QRICH2: variants seen among roughly 807,000 people sequenced by gnomAD.
QRICH2 encodes the protein glutamine rich 2, also known as glutamine-rich protein 2.
Under a neutral mutation model 168.3 loss-of-function variants are expected in QRICH2, and 119 were observed. The ratio of observed to expected loss-of-function variants is 0.71; its 90% CI spans 0.61 to 0.82. The LOEUF (loss-of-function observed/expected upper bound fraction) is 0.82, where lower values mean the gene tolerates loss of function less well. Ranked by LOEUF, QRICH2 falls within the 40% of genes least tolerant of loss-of-function variation. The pLI is 0.00. For synonymous variants in QRICH2, 894 were observed against 951.2 expected (o/e 0.94, Z 1.11); for missense variants, 2,241 against 2,491.6 (o/e 0.90, Z 2.14).
At chr17:76,287,527 C>A (rs78568150) in intron 6 of QRICH2, among the ~76,000 whole-genome samples, 457 of 152,192 alleles carry the variant, frequency 3.0e-3, no homozygotes, top group Non-Finnish European at 4.9e-3. Context: ...TCAGAGGGGC[C>A]GTCAGAAGTT....
At chr17:76,287,426 C>G (rs74413918) in intron 6 of QRICH2, 120 bp from the exon 7 acceptor site, 13 of 731,562 alleles carry the variant, frequency 1.8e-5, no homozygotes, top group East Asian at 2.7e-5. Flanking sequence ...CCTCCACCCC[C>G]CTCCAATGGA....
At position 76,280,659 on chromosome 17, in the gene QRICH2, C is replaced by T. The variant is rs1199296643; in HGVS notation, c.4456G>A (p.Asp1486Asn). Residue 1486 changes from aspartate (D) to asparagine (N), a missense_variant, in exon 10 of 19, where the codon GAT becomes AAT. Asp to Asn is a conservative substitution (Grantham distance 23). Coordinates refer to ENST00000680821, the MANE Select transcript of QRICH2 (RefSeq NM_001388453.1). This position sits in a 1 kb window ranked among gnomAD's most constrained non-coding sequence, Gnocchi z 7.4. ...TCCTGGGGCCTGGCACCCACCACAT[C>T]GATCTCCATCTCCAGGTGCTCCCTG... ...ANREHLEMEI[D>N]VKADKSALAT... 6 of 1,614,180 alleles carry T rather than the reference C, an allele frequency of 3.7e-6. No individual in the cohort carries two copies. Among genetic ancestry groups the T allele is most frequent in the South Asian group, 1.1e-5 (1 of 91,084 alleles).
chr17:76,298,930 T>C (rs1038169350), intron 3 of QRICH2, among the ~76,000 whole-genome samples: 1 of 152,126 alleles, frequency 6.6e-6, no homozygotes, highest in African/African-American at 2.4e-5. Flanking sequence ...GTGTAGTTTT[T>C]ATTTGCTTTT....
At chr17:76,288,342 C>T (rs2070927304) in intron 5 of QRICH2, among the ~76,000 whole-genome samples, 1 of 135,686 alleles carries the variant, frequency 7.4e-6, no homozygotes, top group Non-Finnish European at 1.5e-5. Context: ...CGAGATTGTG[C>T]CACTGCACTC....
chr17:76,290,950 GA>G, intron 4 of QRICH2, 64 bp downstream of exon 4: 1 of 1,564,102 alleles, frequency 6.4e-7, no homozygotes, highest in Non-Finnish European at 8.7e-7. Flanking sequence ...GCCAGGGGAA[GA>G]AAAGGATGAA....
chr17:76,291,656 G>A lies in QRICH2; in HGVS notation c.3071C>T (p.Pro1024Leu). The change falls in exon 4 of 19, where the codon CCA becomes CTA. Residue 1024 changes from proline (P) to leucine (L), a missense_variant. Around this residue, in one of 3 missense-constraint regions of QRICH2, gnomAD observed 2,047 missense variants for 2,303.8 expected, o/e 0.89. Coordinates refer to ENST00000680821, the MANE Select transcript of QRICH2 (RefSeq NM_001388453.1). ...PGREQYGQVS[P>L]LLASQGLASP... The stretch of plus-strand genomic sequence containing the variant: ...TGCCAAACCTTGACTGGCTAGGAGT[G>A]GTGACACCTGGCCGTATTGTTCTCT... 1 of 1,614,076 alleles carries A rather than the reference G, an allele frequency of 6.2e-7. No homozygotes were observed. Among genetic ancestry groups the A allele is most frequent in the Non-Finnish European group, 8.5e-7 (1 of 1,179,940 alleles).
At chr17:76,290,110 G>C (rs745393905) in intron 4 of QRICH2, 33 bp from the exon 5 acceptor site, 2 of 1,527,436 alleles carry the variant, frequency 1.3e-6, no homozygotes, top group Non-Finnish European at 9.1e-7. Context: ...GATCAGAGGG[G>C]TTAGATCTCT....
At chr17:76,304,778 G>A in intron 2 of QRICH2, 104 bp downstream of exon 2, 2 of 875,772 alleles carry the variant, frequency 2.3e-6, no homozygotes, top group Admixed American at 1.7e-5. Context: ...GAGGCAGAGG[G>A]CACACACTGC....
At chr17:76,306,601 G>A (rs1031617505) in intron 1 of QRICH2, among the ~76,000 whole-genome samples, 6 of 152,178 alleles carry the variant, frequency 3.9e-5, no homozygotes, top group African/African-American at 1.4e-4. Flanking sequence ...AAGTCCAGTT[G>A]AAGGCAGGGC....
Position 76,278,179 on chromosome 17 carries a change from C to T in QRICH2, c.4927G>A (p.Gly1643Ser), listed in dbSNP as rs1408361938. ...AGGTCACCCCGAGGGAAGGCGCTGCCCAGCTTGAGGCTGCAGGGTGTGAGC... is the reference window on the plus strand; with the variant it reads ...AGGTCACCCCGAGGGAAGGCGCTGCTCAGCTTGAGGCTGCAGGGTGTGAGC... ...VRQHSRNLKL[G>S]SAFPRGDLAQ... is the part of the protein sequence containing the mutation. Residue 1643 changes from glycine (G) to serine (S), a missense_variant, in exon 15 of 19, where the codon GGC (glycine) becomes AGC (serine). Physicochemically the swap from Gly to Ser is moderately conservative, Grantham distance 56 (BLOSUM62 0). Around this residue, in one of 3 missense-constraint regions of QRICH2, gnomAD observed 2,047 missense variants for 2,303.8 expected, o/e 0.89. Transcript: ENST00000680821. 2 of 1,606,078 alleles carry T rather than the reference C, an allele frequency of 1.2e-6. No homozygotes were observed. Among genetic ancestry groups the T allele is most frequent in the East Asian group, 2.2e-5 (1 of 44,894 alleles).
At chr17:76,304,741 C>A in intron 2 of QRICH2, 141 bp downstream of exon 2, 1 of 775,822 alleles carries the variant, frequency 1.3e-6, no homozygotes, top group South Asian at 1.5e-5. Context: ...GGGCAGATTT[C>A]CCTCCAACCC....
Position 76,279,046 on chromosome 17 carries a change from G to C in QRICH2, c.4911C>G (p.Ser1637Arg). 1.2e-6 allele frequency: 2 copies of C among 1,613,228 alleles called. No individual in the cohort carries two copies. The highest frequency in any genetic ancestry group is 2.2e-5 in the South Asian group (2 of 90,988). The change falls in exon 14 of 19, where the codon AGC becomes AGG. Residue 1637 changes from serine to arginine, a missense_variant. Ser to Arg is a moderately radical substitution (Grantham distance 110). Transcript: ENST00000680821. ...TATGCTGTCCCATAGCATACTTGCG[G>C]CTATGCTGCCGGACCTGCTCCAGTT... is the stretch of plus-strand genomic sequence containing the variant. ...VFELEQVRQH[S>R]RNLKLGSAFP... is the part of the protein sequence containing the mutation.
Position 76,280,850 on chromosome 17 carries a change from TGCC to T in QRICH2, c.4364_4366del (p.Arg1455del). ...GCTCACAGCAATGTCCTTCTGTTTC[TGCC>T]GATGGTCCTCGATGAGGTTGCTGGT... On this transcript the variant is annotated inframe_deletion, in exon 9 of 19. Coordinates refer to ENST00000680821, the MANE Select transcript of QRICH2 (RefSeq NM_001388453.1). This position sits in a 1 kb window ranked among gnomAD's most constrained non-coding sequence, Gnocchi z 7.4. 2 of 1,613,978 alleles carry T rather than the reference TGCC, an allele frequency of 1.2e-6. No individual in the cohort carries two copies. The highest frequency in any genetic ancestry group is 1.7e-4 in the Middle Eastern group (1 of 6,060).
chr17:76,303,130 C>A (rs534282031), intron 3 of QRICH2, among the ~76,000 whole-genome samples: 1 of 152,070 alleles, frequency 6.6e-6, no homozygotes, highest in African/African-American at 2.4e-5. Context: ...GTGATCCGCC[C>A]CCCTCGACTT....
chr17:76,309,075 C>T (rs1208890362), upstream of QRICH2, among the ~76,000 whole-genome samples: 10 of 144,624 alleles, frequency 6.9e-5, no homozygotes, highest in East Asian at 2.1e-3. Context: ...CTCAAAAAAA[C>T]GGCCAGGCTT....
At chr17:76,301,566 CA>C (rs536017974) in intron 3 of QRICH2, 258 of 157,458 alleles carry the variant, frequency 1.6e-3, no homozygotes, top group Non-Finnish European at 2.7e-3. Flanking sequence ...GACTCTGTCT[CA>C]AAAAAAATGA....
In QRICH2 at chr17:76,274,134, G is replaced by A. The variant is rs2070626926; in HGVS notation, c.5609C>T (p.Pro1870Leu). ...CGTGGGCTCCTCGAGCCCCTCCCCA[G>A]GAGGCATGTCCACGTGCCTCTCCAG... ...RGLERHVDMPPGEGLEEPTRG... is the reference protein window; with the variant it reads ...RGLERHVDMPLGEGLEEPTRG... The change falls in exon 19 of 19, where the codon CCT (proline) becomes CTT (leucine). Residue 1870 changes from proline (P) to leucine (L), a missense_variant. Physicochemically the swap from Pro to Leu is moderately conservative, Grantham distance 98 (BLOSUM62 -3). Around this residue, in one of 3 missense-constraint regions of QRICH2, gnomAD observed 189 missense variants for 169.3 expected, o/e 1.12. Coordinates refer to ENST00000680821, the MANE Select transcript of QRICH2 (RefSeq NM_001388453.1). The A allele has an allele frequency of 6.3e-7, 1 of 1,592,190 alleles. No individual in the cohort carries two copies. Among genetic ancestry groups the A allele is most frequent in the Non-Finnish European group, 8.5e-7 (1 of 1,172,294 alleles).
At chr17:76,298,733 G>C (rs543067948) in intron 3 of QRICH2, among the ~76,000 whole-genome samples, 11 of 149,278 alleles carry the variant, frequency 7.4e-5, no homozygotes, top group Non-Finnish European at 1.5e-4. Flanking sequence ...CTCCTGCCTC[G>C]GCCTCCCGAG....
In QRICH2 at chr17:76,307,780, C is replaced by A. The variant is rs1300172336; in HGVS notation, c.219G>T (p.Leu73=). The change falls in exon 1 of 19, where the codon CTG becomes CTT. Residue 73 remains leucine, a synonymous_variant. Transcript: ENST00000680821. The surrounding 1 kb of genome is among the most constrained non-coding windows in gnomAD (Gnocchi z 5.3). ...CCTTGGGCACCTCCTTGGGCGCGGG[C>A]AGGTGCGGGATGCTGAACGAGCTCC... ...SVRSSFSIPH[L]PAPKEVPKGA... 2.2e-6 allele frequency: 3 copies of A among 1,383,652 alleles called. No homozygotes were observed. Among genetic ancestry groups the A allele is most frequent in the Non-Finnish European group, 2.8e-6 (3 of 1,073,156 alleles). The allele number at this position is 1,383,652 out of a possible 1,614,324, so 85.7% of individuals were successfully genotyped here.
Sources: allele counts gnomAD v4.1 joint callset (sites outside exome capture counted in the v4.1 genomes callset), GRCh38; gene constraint gnomAD v4.1.1; regional missense constraint gnomAD v4.1.1; non-coding constraint Gnocchi (gnomAD v3.1); transcripts MANE v1.5; gene names NCBI Gene and HGNC (gene_info 2026-07-23, HGNC 2026-07-21).